PKP2: variants seen among roughly 807,000 people sequenced by gnomAD.
The protein encoded by PKP2 is plakophilin 2, also known as plakophilin-2.
In PKP2, 73 loss-of-function variants were observed where a neutral mutation model predicts 83.4. That is an observed-to-expected ratio of 0.88 (90% confidence interval 0.72 to 1.06). The LOEUF is 1.06. Ranked by LOEUF, PKP2 falls within the 50% of genes least tolerant of loss-of-function variation. The pLI is 0.00. For synonymous variants in PKP2, 409 were observed against 430.4 expected, an observed-to-expected ratio of 0.95 and a Z score of 0.62; for missense variants, 966 against 1,065.4, an observed-to-expected ratio of 0.91 and a Z score of 1.30.
chr12:32,855,261 A>G (rs1194345254), intron 4 of PKP2, among the ~76,000 whole-genome samples: 1 of 152,198 alleles, frequency 6.6e-6, no homozygotes, highest in Non-Finnish European at 1.5e-5. Context: ...TGGTTGTCAC[A>G]TACCCACATG....
At chr12:32,887,069 G>A (rs533816206) in intron 1 of PKP2, among the ~76,000 whole-genome samples, 5 of 151,850 alleles carry the variant, frequency 3.3e-5, no homozygotes, top group Admixed American at 1.3e-4. Context: ...GTCTAATAAA[G>A]TTTTATACTA....
chr12:32,821,827 A>T lies in PKP2; in HGVS notation c.1840-298T>A, dbSNP rs144871177. The T allele has an allele frequency of 0.011, 3,909 of 364,036 alleles. 37 individuals are homozygous for T. The highest frequency in any genetic ancestry group is 0.014 in the Non-Finnish European group (2,769 of 194,170). The allele number at this position is 364,036 out of a possible 1,614,324, so 22.6% of individuals were successfully genotyped here. ...TAGAATGGTTTTCAGGCTGCTGTTG[A>T]GCTAAAAGCTAAATTAGTCACAACC... On this transcript the variant is annotated intron_variant, in intron 8 of 12. Coordinates refer to ENST00000340811, the MANE Select transcript of PKP2 (RefSeq NM_001005242.3).
chr12:32,799,798 G>A (rs1210829662), intron 10 of PKP2, among the ~76,000 whole-genome samples: 2 of 152,286 alleles, frequency 1.3e-5, no homozygotes, highest in Middle Eastern at 3.4e-3. Context: ...GTAGGAAGGG[G>A]TGAGGGATAA....
At chr12:32,813,582 C>T (rs981607015) in intron 9 of PKP2, among the ~76,000 whole-genome samples, 1 of 151,810 alleles carries the variant, frequency 6.6e-6, no homozygotes, top group African/African-American at 2.4e-5. Context: ...GAGTTTGAGA[C>T]CAGCTGGGCA....
intron 5 of PKP2, among the ~76,000 whole-genome samples, chr12:32,848,160 C>T (rs1042748002): frequency 6.6e-6 from 1 of 152,208 alleles, no homozygotes; most frequent in Non-Finnish European, 1.5e-5. Context: ...CGGTGGCTCA[C>T]GCTTGTAATC....
At chr12:32,870,879 CTAATCCTT>C (rs1370761662) in intron 3 of PKP2, among the ~76,000 whole-genome samples, 1 of 152,152 alleles carries the variant, frequency 6.6e-6, no homozygotes, top group Non-Finnish European at 1.5e-5. Context: ...TTCCACTACT[CTAATCCTT>C]TATTTTCCTG....
At chr12:32,830,731 C>T (rs1956492075) in intron 6 of PKP2, among the ~76,000 whole-genome samples, 1 of 152,032 alleles carries the variant, frequency 6.6e-6, no homozygotes, top group Non-Finnish European at 1.5e-5. Flanking sequence ...CATGGTGAAA[C>T]CCTGTCTCTA....
intron 5 of PKP2, among the ~76,000 whole-genome samples, chr12:32,845,287 C>G (rs11052275): frequency 0.026 from 3,943 of 152,284 alleles, 57 homozygotes; most frequent in Non-Finnish European, 0.04. Context: ...CGCGGTGGCT[C>G]ATGCCTGTAA....
At chr12:32,821,870 AAC>A (rs1336539998) in intron 8 of PKP2, 28 of 314,022 alleles carry the variant, frequency 8.9e-5, no homozygotes, top group Middle Eastern at 1.1e-3. Flanking sequence ...AGATAAGAAA[AAC>A]AGGCCTGTTC....
At chr12:32,883,896 T>C (rs1310569109) in intron 1 of PKP2, among the ~76,000 whole-genome samples, 1 of 152,192 alleles carries the variant, frequency 6.6e-6, no homozygotes, top group Non-Finnish European at 1.5e-5. Context: ...ACTTGGCATT[T>C]GAGGAAGCAG....
chr12:32,889,107 T>G (rs1957056050), intron 1 of PKP2, among the ~76,000 whole-genome samples: 1 of 152,150 alleles, frequency 6.6e-6, no homozygotes, highest in Non-Finnish European at 1.5e-5. Context: ...TGAAGGAGGC[T>G]GCCTATAAGG....
intron 9 of PKP2, among the ~76,000 whole-genome samples, chr12:32,814,322 A>C (rs936494550): frequency 6.6e-6 from 1 of 152,080 alleles, no homozygotes; most frequent in Non-Finnish European, 1.5e-5. Flanking sequence ...CACAGTTCCT[A>C]GACTTCCCCA....
chr12:32,889,142 G>T (rs1957056404), intron 1 of PKP2, among the ~76,000 whole-genome samples: 1 of 152,110 alleles, frequency 6.6e-6, no homozygotes, highest in African/African-American at 2.4e-5. Context: ...AAGTTAACTG[G>T]GCAAGAGAAG....
rs1230805354 is a variant in PKP2, at chr12:32,878,182, C to T, written c.698G>A (p.Ser233Asn). ...GAGCAGGGCCGGGTTGGCAGGGATG[C>T]TGTCAAAAACGGTGTCGCTAACAGA... ...HGSVSDTVFDSIPANPALLTY... is the reference protein window; with the variant it reads ...HGSVSDTVFDNIPANPALLTY... The change falls in exon 3 of 13, where the codon AGC (serine) becomes AAC (asparagine). Residue 233 changes from serine to asparagine, a missense_variant. Physicochemically the swap from Ser to Asn is conservative, Grantham distance 46. Coordinates refer to ENST00000340811, the MANE Select transcript of PKP2 (RefSeq NM_001005242.3). 1 of 1,614,222 alleles carries T rather than the reference C, an allele frequency of 6.2e-7. No homozygotes were observed. The highest frequency in any genetic ancestry group is 1.1e-5 in the South Asian group (1 of 91,086).
intron 9 of PKP2, among the ~76,000 whole-genome samples, chr12:32,817,468 A>T (rs1385374305): frequency 6.6e-6 from 1 of 152,130 alleles, no homozygotes; most frequent in Non-Finnish European, 1.5e-5. Flanking sequence ...TGTCTTGTTT[A>T]TGTATTGTTA....
Position 32,851,972 on chromosome 12 carries a change from G to C in PKP2, c.1171-999C>G, listed in dbSNP as rs1956700433. Among the ~76,000 whole-genome samples the C allele has an allele frequency of 2.0e-5, 3 of 152,116 alleles. No individual in the cohort carries two copies. The East Asian group carries it at 5.8e-4, about 29-fold the overall frequency. ...ATGGGAAACAAATTGATCTAAGAAG[G>C]GGCCAAATAATCCTAATCTAAGCAG... On this transcript the variant is annotated intron_variant, in intron 4 of 12. Transcript: ENST00000340811.
chr12:32,871,398 C>T (rs747994284), intron 3 of PKP2, among the ~76,000 whole-genome samples: 12 of 152,150 alleles, frequency 7.9e-5, no homozygotes, highest in African/African-American at 2.2e-4. Context: ...TGGGCTCAAG[C>T]GATCCTCCCA....
At chr12:32,865,945 T>C (rs570094892) in intron 4 of PKP2, among the ~76,000 whole-genome samples, 2 of 152,176 alleles carry the variant, frequency 1.3e-5, no homozygotes, top group East Asian at 3.9e-4. Flanking sequence ...ACTTCTAGGA[T>C]AAAATATAGA....
intron 5 of PKP2, among the ~76,000 whole-genome samples, chr12:32,841,522 G>A (rs1442977842): frequency 6.6e-6 from 1 of 152,170 alleles, no homozygotes; most frequent in Admixed American, 6.5e-5. Flanking sequence ...CTACCACAAA[G>A]CTGACCTGAC....
Sources: allele counts gnomAD v4.1 joint callset (sites outside exome capture counted in the v4.1 genomes callset), GRCh38; gene constraint gnomAD v4.1.1; transcripts MANE v1.5; gene names NCBI Gene and HGNC (gene_info 2026-07-23, HGNC 2026-07-21).